Variants in CNTNAP2 observed in about 807,000 individuals in gnomAD.
The protein encoded by CNTNAP2 is contactin-associated protein-like 2.
A neutral mutation model predicts 155.2 loss-of-function variants in CNTNAP2; 98 were observed. That is an observed-to-expected ratio of 0.63 (90% CI 0.54 to 0.75). The LOEUF is 0.75. CNTNAP2 is among the 30% of genes least tolerant of loss of function. The probability of loss-of-function intolerance (pLI) is 0.00; values close to 1 mark genes in which losing one functional copy is unlikely to be tolerated. For synonymous variants in CNTNAP2, 651 were observed against 631.2 expected (o/e 1.03, Z -0.47); for missense variants, 1,727 against 1,688.1 (o/e 1.02, Z -0.40).
At chr7:147,341,664 G>A (rs1412300678) in intron 9 of CNTNAP2, among the ~76,000 whole-genome samples, 1 of 150,406 alleles carries the variant, frequency 6.6e-6, no homozygotes, top group Admixed American at 6.7e-5. Flanking sequence ...AGACTTGTTA[G>A]GATGATCTTG....
At chr7:146,663,035 T>C (rs980587609) in intron 1 of CNTNAP2, among the ~76,000 whole-genome samples, 30 of 152,076 alleles carry the variant, frequency 2.0e-4, no homozygotes, top group Non-Finnish European at 4.0e-4. Context: ...TCCAGCACTT[T>C]GGAAGGCTAA....
intron 14 of CNTNAP2, among the ~76,000 whole-genome samples, chr7:147,961,076 C>T (rs527602144): frequency 6.6e-6 from 1 of 152,128 alleles, no homozygotes; most frequent in East Asian, 1.9e-4. Context: ...CTTTTGATTC[C>T]ATACAATTCT....
intron 1 of CNTNAP2, among the ~76,000 whole-genome samples, chr7:146,717,538 G>C (rs1168365748): frequency 6.6e-6 from 1 of 151,884 alleles, no homozygotes; most frequent in South Asian, 2.1e-4. Flanking sequence ...TGTAAAAGAA[G>C]CATCTGACAA....
chr7:147,658,694 A>G (rs1795568337), intron 13 of CNTNAP2, among the ~76,000 whole-genome samples: 1 of 152,174 alleles, frequency 6.6e-6, no homozygotes, highest in Admixed American at 6.5e-5. Context: ...TAGGATTGCA[A>G]GTTCAGGGTA....
chr7:146,733,282 C>T (rs1801556836), intron 1 of CNTNAP2, among the ~76,000 whole-genome samples: 1 of 151,994 alleles, frequency 6.6e-6, no homozygotes, highest in Non-Finnish European at 1.5e-5. Context: ...TCAAATTTAC[C>T]TATTTCCCAT....
chr7:146,386,352 G>A (rs1347668391), intron 1 of CNTNAP2, among the ~76,000 whole-genome samples: 1 of 152,084 alleles, frequency 6.6e-6, no homozygotes, highest in Non-Finnish European at 1.5e-5. Flanking sequence ...TTGGAATACT[G>A]TAACTTCACA....
intron 9 of CNTNAP2, among the ~76,000 whole-genome samples, chr7:147,349,996 T>C (rs1276576824): frequency 6.6e-6 from 1 of 151,910 alleles, no homozygotes; most frequent in East Asian, 1.9e-4. Context: ...ATTATTGCAA[T>C]ATTTTTTGCA....
intron 1 of CNTNAP2, among the ~76,000 whole-genome samples, chr7:146,522,057 G>GT (rs71525956): frequency 1.3e-5 from 2 of 151,748 alleles, no homozygotes. Flanking sequence ...TATACTCCCT[G>GT]TTTTTTTCTA....
intron 8 of CNTNAP2, among the ~76,000 whole-genome samples, chr7:147,201,201 T>C (rs562800383): frequency 6.6e-6 from 1 of 152,320 alleles, no homozygotes; most frequent in East Asian, 1.9e-4. Context: ...ATCTAAAACA[T>C]TGTCTGAATA....
chr7:146,967,794 C>A (rs1478107170), intron 3 of CNTNAP2, among the ~76,000 whole-genome samples: 1 of 151,876 alleles, frequency 6.6e-6, no homozygotes, highest in African/African-American at 2.4e-5. Flanking sequence ...AATTGAATAC[C>A]CTTTATTTCC....
Position 147,513,339 on chromosome 7 carries a change from C to CT in CNTNAP2, c.1777+27308dup, listed in dbSNP as rs776599343. ...TTAAGGCAAGAGGCCGTGGATTGCC[C>CT]TTTTTTTTTTCCATTGTACCCCTAC... On this transcript the variant is annotated intron_variant, in intron 11 of 23. Transcript: ENST00000361727. Among the ~76,000 whole-genome samples the CT allele has an allele frequency of 2.4e-3, 362 of 148,718 alleles. 1 individual carries two copies. Among genetic ancestry groups the CT allele is most frequent in the South Asian group, 4.5e-3 (21 of 4,674 alleles).
At chr7:147,686,016 G>A (rs1240372729) in intron 13 of CNTNAP2, among the ~76,000 whole-genome samples, 1 of 151,860 alleles carries the variant, frequency 6.6e-6, no homozygotes, top group African/African-American at 2.4e-5. Flanking sequence ...GTGAGAGGGA[G>A]GGCCATTAGT....
At chr7:146,860,593 A>C (rs1795078422) in intron 3 of CNTNAP2, among the ~76,000 whole-genome samples, 1 of 152,202 alleles carries the variant, frequency 6.6e-6, no homozygotes, top group Non-Finnish European at 1.5e-5. Context: ...ATATTGATCT[A>C]CTCATCCCTA....
At chr7:148,214,171 C>T (rs1420073337) in intron 18 of CNTNAP2, among the ~76,000 whole-genome samples, 1 of 152,216 alleles carries the variant, frequency 6.6e-6, no homozygotes, top group Non-Finnish European at 1.5e-5. Flanking sequence ...TACCCCTCTG[C>T]ATTCTAATAA....
intron 12 of CNTNAP2, among the ~76,000 whole-genome samples, chr7:147,584,252 G>A (rs779714395): frequency 7.2e-5 from 11 of 152,264 alleles, no homozygotes; most frequent in South Asian, 2.1e-4. Context: ...AGGGGTTCAC[G>A]ATAGAGTGGT....
chr7:148,141,029 C>T (rs1288022460), intron 16 of CNTNAP2, among the ~76,000 whole-genome samples: 1 of 152,224 alleles, frequency 6.6e-6, no homozygotes, highest in Non-Finnish European at 1.5e-5. Context: ...TCCAGGACCA[C>T]TTGCGTCAGA....
At chr7:146,155,326 T>C (rs968595051) in intron 1 of CNTNAP2, among the ~76,000 whole-genome samples, 4 of 152,316 alleles carry the variant, frequency 2.6e-5, no homozygotes, top group African/African-American at 9.6e-5. Flanking sequence ...CAAAGGACTG[T>C]GCAGATGTTT....
intron 1 of CNTNAP2, among the ~76,000 whole-genome samples, chr7:146,413,881 G>T (rs1015914828): frequency 1.3e-5 from 2 of 151,954 alleles, no homozygotes; most frequent in Admixed American, 6.6e-5. Context: ...ATCATGCCTG[G>T]TGAAGCTGTG....
chr7:147,721,999 G>A (rs1275055244), intron 13 of CNTNAP2, among the ~76,000 whole-genome samples: 3 of 152,154 alleles, frequency 2.0e-5, no homozygotes, highest in Admixed American at 1.3e-4. Context: ...TGATCAGCAA[G>A]TCTGTTCAGT....
Sources: allele counts gnomAD v4.1 joint callset (sites outside exome capture counted in the v4.1 genomes callset), GRCh38; gene constraint gnomAD v4.1.1; transcripts MANE v1.5; gene names NCBI Gene and HGNC (gene_info 2026-07-23, HGNC 2026-07-21).